Variants in CRYBG3 observed in about 807,000 individuals in gnomAD.
CRYBG3 encodes crystallin beta-gamma domain containing 3, also known as very large A-kinase anchor protein.
In CRYBG3, 127 loss-of-function variants were observed where a neutral mutation model predicts 244.2. The ratio of observed to expected loss-of-function variants is 0.52; its 90% confidence interval spans 0.45 to 0.60. CRYBG3 has a LOEUF of 0.60. Ranked by LOEUF, CRYBG3 falls within the 20% of genes least tolerant of loss-of-function variation. The pLI is 0.00. For synonymous variants in CRYBG3, 1,132 were observed against 1,195.8 expected (o/e 0.95, Z 1.10); for missense variants, 3,325 against 3,442.5 (o/e 0.97, Z 0.85).
In CRYBG3 at chr3:97,941,178, G is replaced by A. The variant is rs751487574; in HGVS notation, c.8536G>A (p.Ala2846Thr). 6 of 1,611,384 alleles carry A rather than the reference G, an allele frequency of 3.7e-6. No homozygotes were observed. Among genetic ancestry groups the A allele is most frequent in the Non-Finnish European group, 5.1e-6 (6 of 1,178,302 alleles). ...PAVYIRIKNRAQGEYLTVTGS... is the reference protein window; with the variant it reads ...PAVYIRIKNRTQGEYLTVTGS... ...AGTGTACATCAGAATAAAGAACCGTGCCCAGGGTGAATATCTGACAGTCAC... is the reference window on the plus strand; with the variant it reads ...AGTGTACATCAGAATAAAGAACCGTACCCAGGGTGAATATCTGACAGTCAC... Residue 2846 changes from alanine (A) to threonine (T), a missense_variant, in exon 20 of 22, where the codon GCC becomes ACC. Around this residue, in one of 4 missense-constraint regions of CRYBG3, gnomAD observed 714 missense variants for 803.6 expected, o/e 0.89. Coordinates refer to ENST00000389622, the MANE Select transcript of CRYBG3 (RefSeq NM_153605.4).
At position 97,873,186 on chromosome 3, in the gene CRYBG3, G is replaced by A. The variant is rs1287713377; in HGVS notation, c.1992G>A (p.Gly664=). Residue 664 remains glycine, a synonymous_variant, in exon 4 of 22, where the codon GGG becomes GGA. Transcript: ENST00000389622. ...CTCCTACCTTTGTTTCTGGAGTTGGGATGCTGAGCAAGTTGGATATTCCTG... is the reference window on the plus strand; with the variant it reads ...CTCCTACCTTTGTTTCTGGAGTTGGAATGCTGAGCAAGTTGGATATTCCTG... ...ISPPTFVSGV[G]MLSKLDIPDL... is the part of the protein sequence containing the mutation. 6.5e-7 allele frequency: 1 copy of A among 1,535,894 alleles called. No individual in the cohort carries two copies. The highest frequency in any genetic ancestry group is 2.0e-5 in the Admixed American group (1 of 50,988).
At chr3:97,848,660 A>G (rs550297645) in intron 2 of CRYBG3, among the ~76,000 whole-genome samples, 12 of 152,300 alleles carry the variant, frequency 7.9e-5, no homozygotes, top group Admixed American at 3.3e-4. Context: ...TCCTGGGCTC[A>G]AGCAATTCGC....
At chr3:97,933,402 A>G in intron 17 of CRYBG3, 1 of 425,354 alleles carries the variant, frequency 2.4e-6, no homozygotes, top group South Asian at 2.0e-5. Flanking sequence ...TTACAGTACC[A>G]CAAGACCTTA....
rs564767989 is a variant in CRYBG3, at chr3:97,871,996, C to T, written c.802C>T (p.His268Tyr). 7 of 1,535,834 alleles carry T rather than the reference C, an allele frequency of 4.6e-6. No individual in the cohort carries two copies. The East Asian group carries it at 9.8e-5, about 21-fold the overall frequency. Residue 268 changes from histidine (H) to tyrosine (Y), a missense_variant, in exon 4 of 22, where the codon CAC becomes TAC. By Grantham distance (83) the His-to-Tyr change is moderately conservative. Transcript: ENST00000389622. ...NESSDSSTNR[H>Y]IDPGSEIEAG... ...AAGTTCTGACTCTAGTACAAACAGA[C>T]ACATTGACCCTGGAAGTGAGATTGA...
At chr3:97,828,528 TAAA>T (rs59399988) in intron 1 of CRYBG3, among the ~76,000 whole-genome samples, 7 of 127,848 alleles carry the variant, frequency 5.5e-5, no homozygotes, top group African/African-American at 5.7e-5. Context: ...TACATTAAGT[TAAA>T]AAAAAAAAAA....
intron 17 of CRYBG3, among the ~76,000 whole-genome samples, chr3:97,923,327 TAAAGTATAATA>T (rs754361701): frequency 1.3e-5 from 2 of 152,058 alleles, no homozygotes; most frequent in Non-Finnish European, 2.9e-5. Context: ...CCTTAGAACT[TAAAGTATAATA>T]ATAATAAAAA....
chr3:97,858,655 C>T (rs1479936543), intron 2 of CRYBG3, among the ~76,000 whole-genome samples: 1 of 151,988 alleles, frequency 6.6e-6, no homozygotes, highest in African/African-American at 2.4e-5. Flanking sequence ...TTCAACATTT[C>T]TGTTTGGTTC....
At chr3:97,824,943 G>A (rs1335545868) in intron 1 of CRYBG3, among the ~76,000 whole-genome samples, 2 of 152,154 alleles carry the variant, frequency 1.3e-5, no homozygotes, top group South Asian at 2.1e-4. Context: ...GGGAGACCAG[G>A]AAGTGCTTCC....
chr3:97,873,967 G>T lies in CRYBG3; in HGVS notation c.2773G>T (p.Glu925Ter), dbSNP rs1380159411. ...CAAATATGAAGATAAGCCAGAACCA[G>T]AGGTAGATGCCTTAGGCTCTCCTCC... Reference protein sequence around the residue: ...ASKYEDKPEPEVDALGSPPAL... With the variant: ...ASKYEDKPEP The change falls in exon 4 of 22, where the codon GAG becomes TAG. Residue 925 changes from glutamate (E) to a stop codon, truncating the protein, a stop_gained. Coordinates refer to ENST00000389622, the MANE Select transcript of CRYBG3 (RefSeq NM_153605.4). LOFTEE classifies it high-confidence loss of function. 1 of 1,534,942 alleles carries T rather than the reference G, an allele frequency of 6.5e-7. No homozygotes were observed. The highest frequency in any genetic ancestry group is 8.7e-7 in the Non-Finnish European group (1 of 1,146,620).
Position 97,888,434 on chromosome 3 carries a change from A to G in CRYBG3, c.7383A>G (p.Lys2461=), listed in dbSNP as rs754888819. 3.7e-6 allele frequency: 6 copies of G among 1,606,912 alleles called. No homozygotes were observed. Among genetic ancestry groups the G allele is most frequent in the Non-Finnish European group, 5.1e-6 (6 of 1,173,768 alleles). ...GLFEISTAEM[K]SLHPLQMGGL... ...TTGAGATTTCTACAGCAGAAATGAA[A>G]TCATTACATCCGCTTCAAATGGTAA... The change falls in exon 9 of 22, where the codon AAA becomes AAG. Residue 2461 remains lysine, a synonymous_variant. Transcript: ENST00000389622.
chr3:97,843,990 T>A (rs2038861038), intron 2 of CRYBG3, among the ~76,000 whole-genome samples: 1 of 152,166 alleles, frequency 6.6e-6, no homozygotes, highest in Admixed American at 6.6e-5. Flanking sequence ...AATTTGAACC[T>A]TCTGGGGATT....
At chr3:97,898,078 G>C (rs1348804397) in intron 12 of CRYBG3, among the ~76,000 whole-genome samples, 2 of 151,824 alleles carry the variant, frequency 1.3e-5, no homozygotes, top group Non-Finnish European at 2.9e-5. Flanking sequence ...AAATTAGCCG[G>C]GCATGGTGGT....
At chr3:97,912,381 T>C in intron 16 of CRYBG3, 105 bp downstream of exon 16, 1 of 511,742 alleles carries the variant, frequency 2.0e-6, no homozygotes, top group Non-Finnish European at 3.4e-6. Flanking sequence ...AAAATTTATC[T>C]TCAACAGGCA....
At chr3:97,833,369 AATACT>A (rs1203575849) in intron 1 of CRYBG3, among the ~76,000 whole-genome samples, 1 of 152,210 alleles carries the variant, frequency 6.6e-6, no homozygotes, top group African/African-American at 2.4e-5. Context: ...TACACCGTGG[AATACT>A]ATACAGCCAT....
At chr3:97,941,354 A>G (rs832089) in intron 20 of CRYBG3, 48 bp downstream of exon 20, 1,130,319 of 1,419,298 alleles carry the variant, frequency 0.8, 451,934 homozygotes, top group East Asian at 0.87. Context: ...TCTGTTTTTT[A>G]TTTTGAAAAC....
chr3:97,844,241 G>T (rs2038866367), intron 2 of CRYBG3, among the ~76,000 whole-genome samples: 1 of 152,006 alleles, frequency 6.6e-6, no homozygotes, highest in African/African-American at 2.4e-5. Context: ...TGTGAGTCTG[G>T]CTACTAAATC....
chr3:97,879,796 C>A, intron 5 of CRYBG3, 48 bp downstream of exon 5: 1 of 1,373,518 alleles, frequency 7.3e-7, no homozygotes, highest in Non-Finnish European at 1.0e-6. Context: ...CATTAGGTAA[C>A]TTTCAGGCTT....
Position 97,873,908 on chromosome 3 carries a change from A to C in CRYBG3, c.2714A>C (p.Glu905Ala), listed in dbSNP as rs1163379158. 3.3e-6 allele frequency: 5 copies of C among 1,535,942 alleles called. No homozygotes were observed. The African/African-American group carries it at 5.5e-5, about 17-fold the overall frequency. Residue 905 changes from glutamate (E) to alanine (A), a missense_variant, in exon 4 of 22, where the codon GAG becomes GCG. Physicochemically the swap from Glu to Ala is moderately radical, Grantham distance 107. This residue lies in a region of CRYBG3 where 1,526 missense variants were observed against 1,443.2 expected (regional missense o/e 1.06). Transcript: ENST00000389622. ...AAATGTTCAGATGCTGGCCTTAAAG[A>C]GAATTGCCAAGCTGAGCTTTCTCCT... ...GEKCSDAGLKENCQAELSPAA... is the reference protein window; with the variant it reads ...GEKCSDAGLKANCQAELSPAA...
At chr3:97,918,792 C>T (rs9853869) in intron 17 of CRYBG3, among the ~76,000 whole-genome samples, 71,802 of 151,974 alleles carry the variant, frequency 0.47, 17,472 homozygotes, top group East Asian at 0.67. Flanking sequence ...AATGGGAGCA[C>T]CTCCAATTGG....
Sources: allele counts gnomAD v4.1 joint callset (sites outside exome capture counted in the v4.1 genomes callset), GRCh38; gene constraint gnomAD v4.1.1; regional missense constraint gnomAD v4.1.1; transcripts MANE v1.5; gene names NCBI Gene and HGNC (gene_info 2026-07-23, HGNC 2026-07-21).